DST: variants seen among roughly 807,000 people sequenced by gnomAD.
DST encodes the protein dystonin.
In DST, 253 loss-of-function variants were observed where a neutral mutation model predicts 875.2. The ratio of observed to expected loss-of-function variants is 0.29; its 90% CI spans 0.26 to 0.32. The LOEUF is 0.32. Ranked by LOEUF, DST falls within the 10% of genes least tolerant of loss-of-function variation. The probability of loss-of-function intolerance (pLI) is 1.00; values close to 1 mark genes in which losing one functional copy is unlikely to be tolerated. For synonymous variants in DST, 3,124 were observed against 3,197.1 expected (o/e 0.98, Z 0.77); for missense variants, 8,287 against 9,111.6 (o/e 0.91, Z 3.68).
chr6:56,919,535 A>G (rs1429327987), intron 2 of DST, among the ~76,000 whole-genome samples: 1 of 152,212 alleles, frequency 6.6e-6, no homozygotes, highest in Non-Finnish European at 1.5e-5. Context: ...CCAAAATATA[A>G]AAAGATTTTA....
intron 61 of DST, among the ~76,000 whole-genome samples, chr6:56,547,574 T>C (rs2097252031): frequency 1.3e-5 from 2 of 152,198 alleles, no homozygotes; most frequent in Admixed American, 6.5e-5. Context: ...TCCCCATTCT[T>C]AATAAAATGG....
intron 2 of DST, among the ~76,000 whole-genome samples, chr6:56,941,788 G>A (rs962787895): frequency 3.3e-5 from 5 of 152,180 alleles, no homozygotes; most frequent in African/African-American, 7.2e-5. Context: ...GCCAATGAGT[G>A]TGGTGTTTCT....
At position 56,508,694 on chromosome 6, in the gene DST, T is replaced by G. The variant is rs1242855841; in HGVS notation, c.19074A>C (p.Glu6358Asp). The G allele has an allele frequency of 6.2e-7, 1 of 1,613,712 alleles. No individual in the cohort carries two copies. Among genetic ancestry groups the G allele is most frequent in the Non-Finnish European group, 8.5e-7 (1 of 1,179,800 alleles). Residue 6358 changes from glutamate (E) to aspartate (D), a missense_variant, in exon 75 of 104, where the codon GAA becomes GAC. Transcript: ENST00000680361. ...FIWENIHTLV[E>D]EREAKLLDVM... ...CATCCAGTAGTTTGGCTTCCCTCTC[T>G]TCCACCAGTGTGTGTATGTTCTCCC... is the stretch of plus-strand genomic sequence containing the variant.
At chr6:56,513,078 T>C (rs769466301) in intron 72 of DST, among the ~76,000 whole-genome samples, 6 of 152,204 alleles carry the variant, frequency 3.9e-5, no homozygotes, top group Non-Finnish European at 7.3e-5. Flanking sequence ...CAGGAATGCT[T>C]GGAAAACAAG....
intron 45 of DST, among the ~76,000 whole-genome samples, chr6:56,599,090 G>A (rs1158439484): frequency 6.6e-6 from 1 of 151,940 alleles, no homozygotes; most frequent in Non-Finnish European, 1.5e-5. Flanking sequence ...TTTTTAATGT[G>A]TTTATCACTC....
rs927245830 is a variant in DST at position 56,859,754 on chromosome 6, G to T, written c.418-8150C>A. On this transcript the variant is annotated intron_variant, in intron 3 of 103. Transcript: ENST00000680361. ...CTGGGAGAGCAGAAGTGACAAAATC[G>T]CCAATTTATAATTAAATATCAATCA... 1.3e-4 allele frequency among the ~76,000 whole-genome samples: 20 copies of T among 152,150 alleles called. No individual in the cohort carries two copies. In the East Asian group the frequency reaches 3.5e-3, roughly 26 times the overall value.
intron 55 of DST, among the ~76,000 whole-genome samples, chr6:56,565,112 CTTTTTTTTTTTTCTTTTT>C (rs1457008745): frequency 2.2e-5 from 3 of 134,482 alleles, no homozygotes; most frequent in Non-Finnish European, 3.2e-5. Context: ...TTTCTCTTTT[CTTTTTTTTTTTTCTTTTT>C]TTTTTTTTGT....
chr6:56,804,979 C>A (rs1261214708), intron 4 of DST, among the ~76,000 whole-genome samples: 4 of 151,896 alleles, frequency 2.6e-5, no homozygotes, highest in South Asian at 4.1e-4. Context: ...ATATAAAGAT[C>A]ATTTCCATAT....
intron 23 of DST, among the ~76,000 whole-genome samples, chr6:56,636,291 T>C (rs1034227165): frequency 3.3e-5 from 5 of 150,698 alleles, no homozygotes; most frequent in African/African-American, 9.7e-5. Context: ...CACACACATA[T>C]ACATATATAC....
chr6:56,740,643 G>C (rs2099543578), intron 4 of DST, among the ~76,000 whole-genome samples: 2 of 152,138 alleles, frequency 1.3e-5, no homozygotes, highest in South Asian at 2.1e-4. Context: ...TTTTCAAATG[G>C]AAGTGCTGAC....
intron 2 of DST, among the ~76,000 whole-genome samples, chr6:56,930,712 A>T (rs1448084908): frequency 6.6e-6 from 1 of 152,166 alleles, no homozygotes; most frequent in Non-Finnish European, 1.5e-5. Flanking sequence ...TCCCATCACC[A>T]GCATTATCAG....
intron 3 of DST, among the ~76,000 whole-genome samples, chr6:56,895,955 G>A (rs1426370182): frequency 7.4e-5 from 4 of 54,374 alleles, no homozygotes; most frequent in South Asian, 5.2e-4. Flanking sequence ...GCAGTGAGCC[G>A]AGATGGCAGC....
At chr6:56,880,460 G>C (rs1464980420) in intron 3 of DST, among the ~76,000 whole-genome samples, 1 of 152,114 alleles carries the variant, frequency 6.6e-6, no homozygotes, top group African/African-American at 2.4e-5. Context: ...AGCCAAGGTG[G>C]GCAGATCGCT....
intron 4 of DST, among the ~76,000 whole-genome samples, chr6:56,835,413 C>T (rs1412018594): frequency 1.3e-5 from 2 of 152,108 alleles, no homozygotes; most frequent in Non-Finnish European, 2.9e-5. Flanking sequence ...TGTACCACAC[C>T]AGTACCGATA....
At chr6:56,598,070 C>A in intron 46 of DST, 64 bp from the exon 47 acceptor site, 3 of 1,410,292 alleles carry the variant, frequency 2.1e-6, no homozygotes, top group Admixed American at 4.9e-5. Flanking sequence ...TTAAGACATT[C>A]CAAAAGTAAA....
At chr6:56,665,157 T>A (rs2099065898) in intron 10 of DST, among the ~76,000 whole-genome samples, 1 of 152,224 alleles carries the variant, frequency 6.6e-6, no homozygotes, top group South Asian at 2.1e-4. Flanking sequence ...TCTTTCATTA[T>A]CCATAATTTT....
At chr6:56,953,363 G>T (rs540172494) in intron 2 of DST, among the ~76,000 whole-genome samples, 5 of 152,166 alleles carry the variant, frequency 3.3e-5, no homozygotes, top group Admixed American at 2.6e-4. Flanking sequence ...AAACAGAAAT[G>T]TAAACTTGAA....
chr6:56,479,647 G>A (rs1036952651), intron 90 of DST, among the ~76,000 whole-genome samples: 12 of 152,168 alleles, frequency 7.9e-5, no homozygotes, highest in African/African-American at 2.9e-4. Context: ...AGAGCTGGAA[G>A]GCATTACCCT....
intron 4 of DST, among the ~76,000 whole-genome samples, chr6:56,779,001 T>C (rs1443297743): frequency 2.0e-5 from 3 of 152,028 alleles, no homozygotes; most frequent in Admixed American, 6.5e-5. Context: ...GTCCCACCAA[T>C]AGCGTAAAAG....
Sources: gnomAD v4.1 joint callset for allele counts (sites outside exome capture counted in the v4.1 genomes callset) on GRCh38, gnomAD v4.1.1 for gene constraint, MANE v1.5 for transcripts, NCBI Gene and HGNC (gene_info 2026-07-23, HGNC 2026-07-21) for gene names.